The following TSHZ2 variants were observed in gnomAD, a reference collection of about 807,000 sequenced individuals.
The protein encoded by TSHZ2 is teashirt homolog 2.
In TSHZ2, 21 loss-of-function variants were observed where a neutral mutation model predicts 74.4. That is an observed-to-expected ratio of 0.28 (90% confidence interval 0.20 to 0.41). TSHZ2 has a LOEUF of 0.41. TSHZ2 is among the 10% of genes least tolerant of loss of function. TSHZ2 has a pLI of 1.00. For missense variants in TSHZ2, 1,244 were observed against 1,293.5 expected (o/e 0.96, Z 0.59); for synonymous variants, 540 against 515.3 (o/e 1.05, Z -0.65).
chr20:53,045,284 A>G (rs1377824186), intron 1 of TSHZ2, among the ~76,000 whole-genome samples: 3 of 152,152 alleles, frequency 2.0e-5, no homozygotes, highest in African/African-American at 7.2e-5. Context: ...ATTTCTCTCA[A>G]CCTTCCGTGA....
chr20:53,171,310 A>G (rs1049900713), intron 1 of TSHZ2, among the ~76,000 whole-genome samples: 5 of 152,212 alleles, frequency 3.3e-5, no homozygotes, highest in Non-Finnish European at 7.3e-5. Flanking sequence ...TGTGCCGATA[A>G]CAATGTCTGT....
intron 2 of TSHZ2, among the ~76,000 whole-genome samples, chr20:53,442,244 C>A (rs886332599): frequency 6.6e-6 from 1 of 152,184 alleles, no homozygotes; most frequent in African/African-American, 2.4e-5. Context: ...TGTTTCCCTG[C>A]AACCGCCACT....
intron 1 of TSHZ2, among the ~76,000 whole-genome samples, chr20:53,017,258 C>T (rs1983071701): frequency 6.6e-6 from 1 of 152,150 alleles, no homozygotes; most frequent in Non-Finnish European, 1.5e-5. Context: ...TACCCATCAT[C>T]TCACCTAGTA....
intron 1 of TSHZ2, among the ~76,000 whole-genome samples, chr20:53,011,591 G>C (rs1004418430): frequency 6.6e-6 from 1 of 151,960 alleles, no homozygotes; most frequent in Non-Finnish European, 1.5e-5. Flanking sequence ...GATTTTTTTT[G>C]AATATCAAAG....
chr20:53,164,782 T>C (rs1214549749), intron 1 of TSHZ2, among the ~76,000 whole-genome samples: 1 of 152,218 alleles, frequency 6.6e-6, no homozygotes, highest in Admixed American at 6.5e-5. Flanking sequence ...ATATCCCCTT[T>C]TCCCTACGCA....
chr20:53,427,434 C>T (rs1032616955), intron 2 of TSHZ2, among the ~76,000 whole-genome samples: 6 of 152,028 alleles, frequency 3.9e-5, no homozygotes, highest in Non-Finnish European at 4.4e-5. Context: ...CCACCACCCA[C>T]CCCTGTCGAC....
At chr20:52,977,374 T>C (rs1981381574) in intron 1 of TSHZ2, among the ~76,000 whole-genome samples, 1 of 151,674 alleles carries the variant, frequency 6.6e-6, no homozygotes, top group Admixed American at 6.6e-5. Flanking sequence ...ACGCGATGGA[T>C]TCCTTCACTT....
At chr20:53,020,909 G>T (rs1983220488) in intron 1 of TSHZ2, among the ~76,000 whole-genome samples, 1 of 152,218 alleles carries the variant, frequency 6.6e-6, no homozygotes, top group East Asian at 1.9e-4. Context: ...TACCAGCTAT[G>T]TGACCTCAGG....
At chr20:53,283,673 T>C (rs1991108140) in intron 2 of TSHZ2, among the ~76,000 whole-genome samples, 1 of 152,234 alleles carries the variant, frequency 6.6e-6, no homozygotes, top group Non-Finnish European at 1.5e-5. Flanking sequence ...TGTTTTAGCT[T>C]ATTCAAGCTT....
At chr20:53,141,183 G>A (rs2123414986) in intron 1 of TSHZ2, among the ~76,000 whole-genome samples, 1 of 152,304 alleles carries the variant, frequency 6.6e-6, no homozygotes, top group Non-Finnish European at 1.5e-5. Flanking sequence ...GTGGATGGAG[G>A]ACACCTATAG....
intron 2 of TSHZ2, among the ~76,000 whole-genome samples, chr20:53,439,563 C>T (rs1984232594): frequency 6.6e-6 from 1 of 152,172 alleles, no homozygotes; most frequent in Non-Finnish European, 1.5e-5. Context: ...GACAGGAACA[C>T]TTGAGTCTCA....
chr20:53,355,860 G>A (rs373978614), intron 2 of TSHZ2, among the ~76,000 whole-genome samples: 85 of 152,352 alleles, frequency 5.6e-4, no homozygotes, highest in African/African-American at 2.0e-3. Flanking sequence ...ACTGACATAG[G>A]ACTTATGCAA....
chr20:53,090,330 C>T (rs1478008878), intron 1 of TSHZ2, among the ~76,000 whole-genome samples: 1 of 152,180 alleles, frequency 6.6e-6, no homozygotes, highest in Non-Finnish European at 1.5e-5. Context: ...CAGACACCCC[C>T]AGAAACAATA....
intron 2 of TSHZ2, among the ~76,000 whole-genome samples, chr20:53,293,213 A>G (rs1342204214): frequency 6.6e-6 from 1 of 152,234 alleles, no homozygotes; most frequent in Non-Finnish European, 1.5e-5. Context: ...CTGTAATCCC[A>G]GCACTTTGGG....
intron 2 of TSHZ2, among the ~76,000 whole-genome samples, chr20:53,278,193 A>G (rs1347358570): frequency 6.6e-6 from 1 of 152,204 alleles, no homozygotes; most frequent in Non-Finnish European, 1.5e-5. Context: ...CTTGCCTGAA[A>G]GCCTATCTAA....
At chr20:53,470,236 C>A (rs1430233506) in intron 2 of TSHZ2, among the ~76,000 whole-genome samples, 1 of 152,168 alleles carries the variant, frequency 6.6e-6, no homozygotes, top group Non-Finnish European at 1.5e-5. Context: ...TCTGGCATAT[C>A]AAAAGTAAAG....
intron 1 of TSHZ2, among the ~76,000 whole-genome samples, chr20:52,988,117 G>A (rs1053540241): frequency 1.3e-5 from 2 of 152,016 alleles, no homozygotes; most frequent in African/African-American, 4.8e-5. Context: ...ATGGGTGAAT[G>A]TGATAAAAAC....
At chr20:53,320,184 G>T (rs1234944496) in intron 2 of TSHZ2, among the ~76,000 whole-genome samples, 1 of 152,218 alleles carries the variant, frequency 6.6e-6, no homozygotes, top group Non-Finnish European at 1.5e-5. Flanking sequence ...TGTCCTGAGT[G>T]CTTGACCCTT....
intron 2 of TSHZ2, among the ~76,000 whole-genome samples, chr20:53,467,897 G>A (rs1985609017): frequency 2.0e-5 from 3 of 152,184 alleles, no homozygotes; most frequent in African/African-American, 7.2e-5. Flanking sequence ...GTAGTGTCTG[G>A]AAGAGATTTA....
Sources: gnomAD v4.1 joint callset for allele counts (sites outside exome capture counted in the v4.1 genomes callset) on GRCh38, gnomAD v4.1.1 for gene constraint, MANE v1.5 for transcripts, NCBI Gene and HGNC (gene_info 2026-07-23, HGNC 2026-07-21) for gene names.